Variants in MAP4K5 observed in about 807,000 individuals in gnomAD.
MAP4K5 encodes mitogen-activated protein kinase kinase kinase kinase 5.
MAP4K5 carries 82 observed loss-of-function variants against 135.6 expected under a neutral mutation model. That is an observed-to-expected ratio of 0.60 (90% confidence interval 0.51 to 0.73). MAP4K5 has a LOEUF of 0.73. Among genes scored for constraint, MAP4K5 ranks in the 30% least tolerant of loss-of-function variants. The pLI, the probability that MAP4K5 is intolerant of heterozygous loss-of-function variation, is 0.00. For synonymous variants in MAP4K5, 347 were observed against 335.0 expected (o/e 1.04, Z -0.39); for missense variants, 907 against 1,010.9 (o/e 0.90, Z 1.39).
chr14:50,431,853 G>C (rs1386788335), intron 28 of MAP4K5, among the ~76,000 whole-genome samples: 1 of 152,182 alleles, frequency 6.6e-6, no homozygotes, highest in East Asian at 1.9e-4. Flanking sequence ...GGTTGAACTA[G>C]TTTACAGTCC....
At chr14:50,552,467 A>G (rs2038714610) in intron 1 of MAP4K5, among the ~76,000 whole-genome samples, 2 of 152,218 alleles carry the variant, frequency 1.3e-5, no homozygotes, top group African/African-American at 4.8e-5. Flanking sequence ...ATGCAATGCA[A>G]TTCCCATCAA....
chr14:50,447,827 C>T (rs1402778563), intron 15 of MAP4K5, among the ~76,000 whole-genome samples: 6 of 152,118 alleles, frequency 3.9e-5, no homozygotes, highest in Non-Finnish European at 8.8e-5. Flanking sequence ...TATCATATTA[C>T]TAAACTGTCA....
At chr14:50,464,827 T>C (rs1325581975) in intron 11 of MAP4K5, among the ~76,000 whole-genome samples, 1 of 152,226 alleles carries the variant, frequency 6.6e-6, no homozygotes, top group Non-Finnish European at 1.5e-5. Flanking sequence ...CATCACTGCA[T>C]CACATTTGGT....
intron 1 of MAP4K5, chr14:50,559,607 A>G (rs1270385933): frequency 1.3e-5 from 2 of 152,298 alleles, no homozygotes; most frequent in Non-Finnish European, 2.9e-5. Context: ...TACAGATCGT[A>G]ATGAATCTAC....
chr14:50,429,306 G>A (rs2035919869), intron 28 of MAP4K5, 46 bp from the exon 29 acceptor site: 1 of 1,151,548 alleles, frequency 8.7e-7, no homozygotes, highest in African/African-American at 1.6e-5. Flanking sequence ...TTAAAACCTA[G>A]AGCCTAGAAA....
At chr14:50,518,578 C>A (rs762651064) in intron 2 of MAP4K5, among the ~76,000 whole-genome samples, 23 of 152,264 alleles carry the variant, frequency 1.5e-4, no homozygotes, top group Non-Finnish European at 2.9e-4. Flanking sequence ...GCTTCCTATC[C>A]CATGGAAGGA....
At chr14:50,456,490 A>G in intron 14 of MAP4K5, 26 bp downstream of exon 14, 2 of 1,520,414 alleles carry the variant, frequency 1.3e-6, no homozygotes, top group Non-Finnish European at 1.8e-6. Context: ...AAAACCACCA[A>G]TGGAAAATGT....
chr14:50,463,941 C>T, intron 12 of MAP4K5, 111 bp downstream of exon 12: 1 of 433,442 alleles, frequency 2.3e-6, no homozygotes, highest in Non-Finnish European at 4.1e-6. Flanking sequence ...TTGCTGACCC[C>T]TGCTGTAAGA....
intron 28 of MAP4K5, among the ~76,000 whole-genome samples, chr14:50,430,813 GTAGAA>G (rs2035952067): frequency 6.6e-6 from 1 of 152,174 alleles, no homozygotes; most frequent in Non-Finnish European, 1.5e-5. Flanking sequence ...ATTAGGAAAA[GTAGAA>G]TTAGGGCCTG....
At chr14:50,452,060 A>G (rs1301934440) in intron 14 of MAP4K5, among the ~76,000 whole-genome samples, 2 of 152,232 alleles carry the variant, frequency 1.3e-5, no homozygotes, top group African/African-American at 4.8e-5. Context: ...CAGCGACAGC[A>G]AGCCGCAGCT....
chr14:50,522,337 T>G (rs1182002412), intron 2 of MAP4K5, among the ~76,000 whole-genome samples: 1 of 152,182 alleles, frequency 6.6e-6, no homozygotes, highest in Non-Finnish European at 1.5e-5. Context: ...AAAGTACTTT[T>G]TACTTCTTTT....
chr14:50,508,169 C>A (rs1334243155), intron 2 of MAP4K5, among the ~76,000 whole-genome samples: 1 of 152,092 alleles, frequency 6.6e-6, no homozygotes, highest in Non-Finnish European at 1.5e-5. Flanking sequence ...AGGATTGCAA[C>A]CCCTGCTTTT....
chr14:50,466,321 G>T (rs1018621693), intron 11 of MAP4K5, among the ~76,000 whole-genome samples: 18 of 146,078 alleles, frequency 1.2e-4, no homozygotes, highest in Middle Eastern at 3.7e-3. Flanking sequence ...GTTTGAGGTT[G>T]CAGTGAGTTA....
intron 1 of MAP4K5, among the ~76,000 whole-genome samples, chr14:50,546,577 A>C (rs2140153602): frequency 6.6e-6 from 1 of 152,330 alleles, no homozygotes; most frequent in Admixed American, 6.5e-5. Context: ...TATTGGTAAA[A>C]TAAAATAGAA....
At chr14:50,435,737 A>C in intron 26 of MAP4K5, among the ~76,000 whole-genome samples, 1 of 152,250 alleles carries the variant, frequency 6.6e-6, no homozygotes, top group East Asian at 1.9e-4. Flanking sequence ...TGTCTACTTA[A>C]GATGAAAATA....
intron 6 of MAP4K5, among the ~76,000 whole-genome samples, chr14:50,482,132 A>AT (rs1308445695): frequency 6.6e-6 from 1 of 152,252 alleles, no homozygotes; most frequent in African/African-American, 2.4e-5. Context: ...TGATCACTGT[A>AT]TATGTCGGCA....
At chr14:50,422,308 T>C (rs974617064) in intron 32 of MAP4K5, among the ~76,000 whole-genome samples, 2 of 152,184 alleles carry the variant, frequency 1.3e-5, no homozygotes, top group African/African-American at 4.8e-5. Context: ...AAGGTAGTCA[T>C]CACTTTTTGA....
chr14:50,492,567 G>A (rs953816536), intron 3 of MAP4K5, among the ~76,000 whole-genome samples: 1 of 144,598 alleles, frequency 6.9e-6, no homozygotes, highest in African/African-American at 2.6e-5. Context: ...ACTCCAGCCT[G>A]GGTAACACAG....
intron 23 of MAP4K5, among the ~76,000 whole-genome samples, chr14:50,439,143 C>T (rs1402225928): frequency 6.6e-6 from 1 of 151,682 alleles, no homozygotes; most frequent in Non-Finnish European, 1.5e-5. Context: ...ATTTAACACA[C>T]AATCAAATAA....
Sources: allele counts gnomAD v4.1 joint callset (sites outside exome capture counted in the v4.1 genomes callset), GRCh38; gene constraint gnomAD v4.1.1; transcripts MANE v1.5; gene names NCBI Gene and HGNC (gene_info 2026-07-23, HGNC 2026-07-21).